Variants in MAP2K4 observed in about 807,000 individuals in gnomAD.
MAP2K4 encodes the protein dual specificity mitogen-activated protein kinase kinase 4.
MAP2K4 carries 4 observed loss-of-function variants against 48.5 expected under a neutral mutation model. That is an observed-to-expected ratio of 0.08 (90% CI 0.04 to 0.19). The LOEUF (loss-of-function observed/expected upper bound fraction) is 0.19, where lower values mean the gene tolerates loss of function less well. Among genes scored for constraint, MAP2K4 ranks in the 10% least tolerant of loss-of-function variants. The pLI, the probability that MAP2K4 is intolerant of heterozygous loss-of-function variation, is 1.00. For missense variants in MAP2K4, 258 were observed against 493.3 expected, an observed-to-expected ratio of 0.52 and a Z score of 4.52; for synonymous variants, 166 against 173.1, an observed-to-expected ratio of 0.96 and a Z score of 0.32.
chr17:12,068,805 G>A lies in MAP2K4; in HGVS notation c.219-12551G>A, dbSNP rs559232789. ...TGTATTTATGTATACATGTGTTTCT[G>A]TGCTTATGTGCATGTATCACATACT... On this transcript the variant is annotated intron_variant, in intron 2 of 10. Transcript: ENST00000353533. Among the ~76,000 whole-genome samples the A allele has an allele frequency of 5.9e-5, 9 of 151,998 alleles. No homozygotes were observed. The South Asian group carries it at 1.7e-3, about 28-fold the overall frequency.
chr17:12,132,075 T>G (rs560938979), intron 9 of MAP2K4, among the ~76,000 whole-genome samples: 1 of 152,298 alleles, frequency 6.6e-6, no homozygotes, highest in African/African-American at 2.4e-5. Context: ...TTTAAAATAC[T>G]GACAGTACCA....
chr17:12,058,540 T>C (rs1970355157), intron 2 of MAP2K4, among the ~76,000 whole-genome samples: 2 of 152,224 alleles, frequency 1.3e-5, no homozygotes, highest in Non-Finnish European at 2.9e-5. Flanking sequence ...TGTTTATTTT[T>C]AAACCTTTTA....
chr17:12,077,634 A>G (rs778674931), intron 2 of MAP2K4, among the ~76,000 whole-genome samples: 2 of 152,134 alleles, frequency 1.3e-5, no homozygotes, highest in Non-Finnish European at 2.9e-5. Context: ...AGGCAACAAG[A>G]AGGAGGTTGG....
chr17:12,131,249 T>C (rs1973013900), intron 9 of MAP2K4, among the ~76,000 whole-genome samples: 3 of 151,740 alleles, frequency 2.0e-5, no homozygotes, highest in African/African-American at 7.2e-5. Context: ...TTTTTTTTTT[T>C]TTCTTTCTTG....
In MAP2K4 at chr17:12,022,893, C is replaced by G. The variant is rs532455396; in HGVS notation, c.115+1892C>G. 2.2e-3 allele frequency among the ~76,000 whole-genome samples: 331 copies of G among 152,268 alleles called. 1 individual carries two copies. The highest frequency in any genetic ancestry group is 7.5e-3 in the African/African-American group (313 of 41,550). ...AACCCTCTTTTACCTGAAGACGGTT[C>G]TAGGCAGAGGAACTGTGTGTATGAA... On this transcript the variant is annotated intron_variant, in intron 1 of 10. Transcript: ENST00000353533.
At chr17:12,073,359 A>G (rs1970881496) in intron 2 of MAP2K4, among the ~76,000 whole-genome samples, 4 of 152,230 alleles carry the variant, frequency 2.6e-5, no homozygotes, top group Admixed American at 2.6e-4. Flanking sequence ...TAGTAACAGT[A>G]TAGTGCTGCC....
chr17:12,065,286 T>G (rs1970579252), intron 2 of MAP2K4, among the ~76,000 whole-genome samples: 1 of 143,636 alleles, frequency 7.0e-6, no homozygotes, highest in Non-Finnish European at 1.5e-5. Flanking sequence ...TTATTATTAT[T>G]ATTATTGGTG....
intron 2 of MAP2K4, among the ~76,000 whole-genome samples, chr17:12,065,268 T>TATTATG (rs927946533): frequency 1.4e-5 from 2 of 143,108 alleles, no homozygotes; most frequent in Non-Finnish European, 3.0e-5. Context: ...ATATTATTAT[T>TATTATG]ATTATTATTA....
At chr17:12,085,020 C>A (rs189436511) in intron 3 of MAP2K4, among the ~76,000 whole-genome samples, 2 of 152,286 alleles carry the variant, frequency 1.3e-5, no homozygotes, top group Admixed American at 1.3e-4. Context: ...TGATGCCTGA[C>A]AGTATATTCT....
intron 4 of MAP2K4, 71 bp downstream of exon 4, chr17:12,095,765 T>G (rs1207461031): frequency 1.8e-5 from 28 of 1,526,354 alleles, no homozygotes; most frequent in Non-Finnish European, 2.5e-5. Context: ...CAGGATTCGA[T>G]TCTATTCTTA....
chr17:12,089,100 G>T (rs1002300312), intron 3 of MAP2K4, among the ~76,000 whole-genome samples: 1 of 151,958 alleles, frequency 6.6e-6, no homozygotes, highest in African/African-American at 2.4e-5. Flanking sequence ...TTTTAGTAGA[G>T]ACGGGGTTTC....
In MAP2K4 at chr17:12,028,084, A is replaced by G. The variant is rs9904282; in HGVS notation, c.115+7083A>G. Among the ~76,000 whole-genome samples, 313 of 152,284 alleles carry G rather than the reference A, an allele frequency of 2.1e-3. 2 individuals carry two copies. Among genetic ancestry groups the G allele is most frequent in the African/African-American group, 6.7e-3 (279 of 41,538 alleles). On this transcript the variant is annotated intron_variant, in intron 1 of 10. Coordinates refer to ENST00000353533, the MANE Select transcript of MAP2K4 (RefSeq NM_003010.4). ...TTTGGGTATTATTTTATTTTTCACAAATGAGGAAATTGAGGCTCATAGAAG... is the reference window on the plus strand; with the variant it reads ...TTTGGGTATTATTTTATTTTTCACAGATGAGGAAATTGAGGCTCATAGAAG...
chr17:12,107,860 T>C lies in MAP2K4; in HGVS notation c.584T>C (p.Val195Ala), dbSNP rs760844487. The C allele has an allele frequency of 6.9e-6, 11 of 1,603,968 alleles. No homozygotes were observed. Among genetic ancestry groups the C allele is most frequent in the Non-Finnish European group, 9.4e-6 (11 of 1,175,396 alleles). The change falls in exon 5 of 11, where the codon GTA (valine) becomes GCA (alanine). Residue 195 changes from valine to alanine, a missense_variant. Transcript: ENST00000353533. ...AAGTTTTACAAATATGTATATAGTG[T>C]ATTAGATGATGTTATTCCAGAAGAA... ...FDKFYKYVYS[V>A]LDDVIPEEIL...
intron 2 of MAP2K4, among the ~76,000 whole-genome samples, chr17:12,057,693 T>C (rs1008333621): frequency 6.6e-6 from 1 of 152,080 alleles, no homozygotes; most frequent in Non-Finnish European, 1.5e-5. Context: ...CCCTGTATCC[T>C]AGACTCTAAA....
In MAP2K4 at chr17:12,139,782, A is replaced by G. The variant is rs1305570109; in HGVS notation, c.1041-57A>G. ...TTGTAATATTTCATCTGTGAAAAGA[A>G]AAATACTTAGGCAAATGAATCTACA... is the stretch of plus-strand genomic sequence containing the variant. On this transcript the variant is annotated intron_variant, in intron 9 of 10. Coordinates refer to ENST00000353533, the MANE Select transcript of MAP2K4 (RefSeq NM_003010.4). 3.2e-6 allele frequency: 4 copies of G among 1,268,420 alleles called. No individual in the cohort carries two copies. In the African/African-American group the frequency reaches 4.5e-5, roughly 14 times the overall value. The allele number at this position is 1,268,420 out of a possible 1,614,324, so 78.6% of individuals were successfully genotyped here.
intron 4 of MAP2K4, among the ~76,000 whole-genome samples, chr17:12,096,004 T>A (rs1298353478): frequency 2.2e-5 from 3 of 133,656 alleles, no homozygotes. Context: ...AAAAATCAGC[T>A]GACTTCTAAA....
chr17:12,060,598 CAATCATGATACTGTG>C (rs1970416855), intron 2 of MAP2K4, among the ~76,000 whole-genome samples: 1 of 152,110 alleles, frequency 6.6e-6, no homozygotes, highest in Admixed American at 6.6e-5. Flanking sequence ...TTTTTTGAAG[CAATCATGATACTGTG>C]AAATCTCTGC....
rs1180759126 is a variant in MAP2K4 at position 12,142,904 on chromosome 17, C to A, written c.*1644C>A. ...TCATGGCCTGAGATGCAGGTGATGC[C>A]ATTACAGAACCAAATCGTGGCACGT... On this transcript the variant is annotated 3_prime_UTR_variant, in exon 11 of 11. Transcript: ENST00000353533. The A allele has an allele frequency of 4.3e-6, 1 of 232,636 alleles. No homozygotes were observed. Among genetic ancestry groups the A allele is most frequent in the South Asian group, 1.8e-4 (1 of 5,520 alleles). The allele number at this position is 232,636 out of a possible 1,614,324, so 14.4% of individuals were successfully genotyped here. A position where few individuals can be genotyped will look rare whatever the true frequency, so the allele number is the denominator to read the frequency against.
At position 12,142,106 on chromosome 17, in the gene MAP2K4, A is replaced by G. The variant is rs1416789044; in HGVS notation, c.*846A>G. On this transcript the variant is annotated 3_prime_UTR_variant, in exon 11 of 11. Transcript: ENST00000353533. ...CCTGCCACAAACCACCAGGACTGAA[A>G]GAAGAAAACAGTACAGAAGGCAAAG... is the stretch of plus-strand genomic sequence containing the variant. The G allele has an allele frequency of 4.3e-6, 1 of 233,442 alleles. No individual in the cohort carries two copies. The highest frequency in any genetic ancestry group is 8.5e-6 in the Non-Finnish European group (1 of 117,952). 14.5% of individuals were successfully genotyped at this position (233,442 alleles called of 1,614,324 possible).
Sources: gnomAD v4.1 joint callset for allele counts (sites outside exome capture counted in the v4.1 genomes callset) on GRCh38, gnomAD v4.1.1 for gene constraint, MANE v1.5 for transcripts, NCBI Gene and HGNC (gene_info 2026-07-23, HGNC 2026-07-21) for gene names.